CNTN5: variants seen among roughly 807,000 people sequenced by gnomAD.
CNTN5 encodes contactin 5.
In CNTN5, 77 loss-of-function variants were observed where a neutral mutation model predicts 129.1. The ratio of observed to expected loss-of-function variants is 0.60; its 90% CI spans 0.50 to 0.72. The LOEUF is 0.72. Ranked by LOEUF, CNTN5 falls within the 30% of genes least tolerant of loss-of-function variation. The pLI is 0.00. For missense variants in CNTN5, 1,478 were observed against 1,328.8 expected (o/e 1.11, Z -1.75); for synonymous variants, 509 against 465.6 (o/e 1.09, Z -1.20).
At chr11:99,142,237 G>T (rs1296870216) in intron 1 of CNTN5, among the ~76,000 whole-genome samples, 3 of 152,124 alleles carry the variant, frequency 2.0e-5, no homozygotes, top group African/African-American at 7.2e-5. Context: ...TTGATGGTGT[G>T]TGCCAGAAAA....
At chr11:99,970,474 T>G (rs367938064) in intron 8 of CNTN5, among the ~76,000 whole-genome samples, 10 of 152,210 alleles carry the variant, frequency 6.6e-5, no homozygotes, top group Non-Finnish European at 1.5e-4. Context: ...GACAACCGAC[T>G]TTACCTGTTT....
At chr11:99,918,364 A>G (rs1949847705) in intron 7 of CNTN5, among the ~76,000 whole-genome samples, 2 of 152,182 alleles carry the variant, frequency 1.3e-5, no homozygotes, top group African/African-American at 2.4e-5. Context: ...AAACAAATGA[A>G]CAAAAAACCA....
intron 3 of CNTN5, among the ~76,000 whole-genome samples, chr11:99,699,606 A>T (rs1954430705): frequency 6.6e-6 from 1 of 151,538 alleles, no homozygotes; most frequent in African/African-American, 2.4e-5. Flanking sequence ...TGCCTAGCGA[A>T]GTATTAAGTG....
At chr11:99,139,762 A>C (rs918999922) in intron 1 of CNTN5, among the ~76,000 whole-genome samples, 3 of 152,184 alleles carry the variant, frequency 2.0e-5, no homozygotes, top group African/African-American at 7.2e-5. Flanking sequence ...AATATTTGAC[A>C]ATTATGCTAA....
rs562500203 is a variant in CNTN5 at position 99,272,297 on chromosome 11, T to TG, written c.-209-53049_-209-53048insG. 1.5e-3 allele frequency among the ~76,000 whole-genome samples: 230 copies of TG among 149,388 alleles called. 1 individual carries two copies. The highest frequency in any genetic ancestry group is 5.4e-3 in the African/African-American group (218 of 40,622). On this transcript the variant is annotated intron_variant, in intron 1 of 24. Transcript: ENST00000524871. ...AATGGAGATCTATTTGAGTAAGCAG[T>TG]CTTTTTTTTTTTTAACTGCAAATCA...
At chr11:99,781,886 A>G (rs1186953128) in intron 3 of CNTN5, among the ~76,000 whole-genome samples, 2 of 152,106 alleles carry the variant, frequency 1.3e-5, no homozygotes, top group Non-Finnish European at 2.9e-5. Context: ...AATGGGCAAA[A>G]ACTGGAAGCA....
intron 3 of CNTN5, among the ~76,000 whole-genome samples, chr11:99,677,554 G>T (rs1953345096): frequency 6.6e-6 from 1 of 152,052 alleles, no homozygotes; most frequent in Non-Finnish European, 1.5e-5. Context: ...AGTTACTTTT[G>T]CAATAAGAAT....
intron 17 of CNTN5, among the ~76,000 whole-genome samples, chr11:100,264,627 T>G (rs1334586151): frequency 1.3e-5 from 2 of 152,172 alleles, no homozygotes; most frequent in Non-Finnish European, 2.9e-5. Context: ...TTATCCAGTC[T>G]ATTATTTATG....
At chr11:100,092,872 T>TG (rs142484437) in intron 13 of CNTN5, among the ~76,000 whole-genome samples, 12,393 of 152,096 alleles carry the variant, frequency 0.081, 1,624 homozygotes, top group African/African-American at 0.28. Flanking sequence ...GTTGAGGCCC[T>TG]GGTGCTTGCA....
intron 4 of CNTN5, among the ~76,000 whole-genome samples, chr11:99,841,967 A>G (rs1947520399): frequency 6.6e-6 from 1 of 151,410 alleles, no homozygotes; most frequent in African/African-American, 2.4e-5. Context: ...GCTCGCTGCA[A>G]CTTCCACCTC....
intron 1 of CNTN5, among the ~76,000 whole-genome samples, chr11:99,177,700 G>GA (rs948208449): frequency 3.4e-4 from 51 of 152,014 alleles, no homozygotes; most frequent in Middle Eastern, 6.3e-3. Flanking sequence ...CAGAGAGAAG[G>GA]AAAAAAATGT....
chr11:100,265,246 T>C (rs1164034087), intron 17 of CNTN5, among the ~76,000 whole-genome samples: 1 of 152,162 alleles, frequency 6.6e-6, no homozygotes, highest in Admixed American at 6.5e-5. Context: ...ATGTGTCCTC[T>C]TCTAACTCAT....
At chr11:99,994,279 T>A (rs1373845511) in intron 8 of CNTN5, among the ~76,000 whole-genome samples, 1 of 151,956 alleles carries the variant, frequency 6.6e-6, no homozygotes, top group Non-Finnish European at 1.5e-5. Context: ...TTGGTATTAT[T>A]CACAGGCAGA....
At chr11:99,591,392 C>G (rs1443916093) in intron 3 of CNTN5, among the ~76,000 whole-genome samples, 2 of 132,220 alleles carry the variant, frequency 1.5e-5, no homozygotes, top group Non-Finnish European at 3.1e-5. Context: ...GGCTGGAGTG[C>G]AGTGGCGTGA....
At chr11:99,309,430 A>C (rs1318113505) in intron 1 of CNTN5, among the ~76,000 whole-genome samples, 7 of 152,206 alleles carry the variant, frequency 4.6e-5, no homozygotes, top group South Asian at 2.1e-4. Context: ...ATTCTGGATG[A>C]ACCAGAAAAA....
chr11:100,175,448 G>A (rs1277928666), intron 13 of CNTN5, among the ~76,000 whole-genome samples: 2 of 152,076 alleles, frequency 1.3e-5, no homozygotes, highest in Admixed American at 6.6e-5. Context: ...GGAATTTAAA[G>A]TGATCTGGAT....
intron 1 of CNTN5, among the ~76,000 whole-genome samples, chr11:99,105,537 C>T (rs900798366): frequency 2.0e-5 from 3 of 152,086 alleles, no homozygotes; most frequent in African/African-American, 7.2e-5. Flanking sequence ...TCTAGTCATG[C>T]AGCAACTCTT....
intron 1 of CNTN5, among the ~76,000 whole-genome samples, chr11:99,027,394 T>C (rs1304961169): frequency 6.6e-6 from 1 of 151,594 alleles, no homozygotes; most frequent in Non-Finnish European, 1.5e-5. Context: ...TTTTTAAAGG[T>C]AGTAGCGATT....
In CNTN5 at chr11:99,656,817, T is replaced by A. The variant is rs184630301; in HGVS notation, c.55+100548T>A. 8.9e-4 allele frequency among the ~76,000 whole-genome samples: 136 copies of A among 152,158 alleles called. 1 individual carries two copies. The highest frequency in any genetic ancestry group is 2.7e-3 in the South Asian group (13 of 4,818). On this transcript the variant is annotated intron_variant, in intron 3 of 24. Transcript: ENST00000524871. ...CCCTTCCTTTCATTATCAGGCAGCTTATAAGCCTCTCTGACTCTGTTCAGG... is the reference window on the plus strand; with the variant it reads ...CCCTTCCTTTCATTATCAGGCAGCTAATAAGCCTCTCTGACTCTGTTCAGG...
Sources: allele counts gnomAD v4.1 joint callset (sites outside exome capture counted in the v4.1 genomes callset), GRCh38; gene constraint gnomAD v4.1.1; transcripts MANE v1.5; gene names NCBI Gene and HGNC (gene_info 2026-07-23, HGNC 2026-07-21).